Variants in C1orf185 observed in about 807,000 individuals in gnomAD.
The protein encoded by C1orf185 is uncharacterized protein C1orf185.
In C1orf185, 13 loss-of-function variants were observed where a neutral mutation model predicts 16.1. That is an observed-to-expected ratio of 0.81 (90% CI 0.53 to 1.28). The LOEUF is 1.28. Among genes scored for constraint, C1orf185 ranks in the 50% most tolerant of loss-of-function variants. The pLI is 0.00. For synonymous variants in C1orf185, 80 were observed against 76.9 expected, an observed-to-expected ratio of 1.04 and a Z score of -0.21; for missense variants, 220 against 225.2, an observed-to-expected ratio of 0.98 and a Z score of 0.15.
chr1:51,133,332 A>G (rs1646299192), intron 3 of C1orf185, among the ~76,000 whole-genome samples: 1 of 152,206 alleles, frequency 6.6e-6, no homozygotes, highest in Admixed American at 6.5e-5. Flanking sequence ...GCAACAATAC[A>G]CAGGCTCAAA....
At chr1:51,137,461 G>A (rs1455215030) in intron 3 of C1orf185, among the ~76,000 whole-genome samples, 2 of 152,162 alleles carry the variant, frequency 1.3e-5, no homozygotes, top group African/African-American at 4.8e-5. Flanking sequence ...TTGAACCCAA[G>A]AGGCAGTGGT....
At chr1:51,148,573 C>T (rs1184706132), downstream of C1orf185, among the ~76,000 whole-genome samples, 1 of 152,030 alleles carries the variant, frequency 6.6e-6, no homozygotes, top group African/African-American at 2.4e-5. Flanking sequence ...CAAATATTAC[C>T]ATGTTATGCT....
intron 3 of C1orf185, among the ~76,000 whole-genome samples, chr1:51,133,606 G>T (rs985932788): frequency 6.6e-6 from 1 of 152,188 alleles, no homozygotes; most frequent in Non-Finnish European, 1.5e-5. Context: ...CAATAGTAGT[G>T]GGAGAGTTTT....
At chr1:51,127,466 T>C (rs1204981684) in intron 3 of C1orf185, among the ~76,000 whole-genome samples, 1 of 152,066 alleles carries the variant, frequency 6.6e-6, no homozygotes, top group Non-Finnish European at 1.5e-5. Flanking sequence ...TTTGTATTTT[T>C]AGTAGGACAG....
intron 3 of C1orf185, among the ~76,000 whole-genome samples, chr1:51,133,988 A>T (rs1646304600): frequency 6.6e-6 from 1 of 152,168 alleles, no homozygotes; most frequent in Non-Finnish European, 1.5e-5. Context: ...AGGCTGAGGC[A>T]GGAGAATTAC....
Position 51,111,370 on chromosome 1 carries a change from C to CTTTTTTTTTTTTTTT in C1orf185, c.17-1091_17-1090insTTTTTTTTTTTTTTT, listed in dbSNP as rs35232347. Among the ~76,000 whole-genome samples the CTTTTTTTTTTTTTTT allele has an allele frequency of 2.2e-4, 25 of 114,418 alleles. 1 individual carries two copies. The highest frequency in any genetic ancestry group is 4.0e-4 in the African/African-American group (11 of 27,354). 75.1% of individuals were successfully genotyped at this position (114,418 alleles called of 152,430 possible). A position where few individuals can be genotyped will look rare whatever the true frequency, so the allele number is the denominator to read the frequency against. On this transcript the variant is annotated intron_variant, in intron 1 of 4. Coordinates refer to ENST00000371759, the MANE Select transcript of C1orf185 (RefSeq NM_001136508.2). ...ATATTGCTTTCATTTAGCTTTCTTT[C>CTTTTTTTTTTTTTTT]TTTCTTTTTTTTTTTTTTTGAGAGA... is the stretch of plus-strand genomic sequence containing the variant.
chr1:51,108,088 C>T (rs1646087183), intron 1 of C1orf185, among the ~76,000 whole-genome samples: 1 of 152,148 alleles, frequency 6.6e-6, no homozygotes, highest in African/African-American at 2.4e-5. Flanking sequence ...AAGTATTTTA[C>T]CAAATTACAT....
intron 1 of C1orf185, among the ~76,000 whole-genome samples, chr1:51,110,755 G>A (rs1646110536): frequency 6.6e-6 from 1 of 152,082 alleles, no homozygotes; most frequent in South Asian, 2.1e-4. Flanking sequence ...AATCACTTGA[G>A]GTCAGGAGTT....
In C1orf185 at chr1:51,106,979, G is replaced by GATCTCCT. The variant is rs545738262; in HGVS notation, c.16+4731_16+4737dup. ...TTACCGTGTTGGCCAGGATGGTTTT[G>GATCTCCT]ATCTCCTGACCTTGTGATCCGCCCA... is the stretch of plus-strand genomic sequence containing the variant. On this transcript the variant is annotated intron_variant, in intron 1 of 4. Coordinates refer to ENST00000371759, the MANE Select transcript of C1orf185 (RefSeq NM_001136508.2). Among the ~76,000 whole-genome samples, 121 of 152,238 alleles carry GATCTCCT rather than the reference G, an allele frequency of 7.9e-4. 1 individual carries two copies. In the South Asian group the frequency reaches 0.024, roughly 30 times the overall value.
At chr1:51,116,731 C>T (rs767161331) in intron 2 of C1orf185, among the ~76,000 whole-genome samples, 2 of 152,280 alleles carry the variant, frequency 1.3e-5, no homozygotes, top group East Asian at 3.9e-4. Flanking sequence ...TCCCCAATCT[C>T]ATCTCCCACT....
At chr1:51,147,446 A>G (rs1463978759) in intron 4 of C1orf185, 21 bp from the exon 5 acceptor site, 7 of 1,483,404 alleles carry the variant, frequency 4.7e-6, no homozygotes, top group Middle Eastern at 3.5e-4. Flanking sequence ...TATAATATTC[A>G]TAGTAAATCT....
intron 1 of C1orf185, among the ~76,000 whole-genome samples, chr1:51,109,239 A>G (rs1284427912): frequency 2.6e-5 from 4 of 152,098 alleles, no homozygotes; most frequent in Non-Finnish European, 5.9e-5. Context: ...GTCTATTCAG[A>G]TCATCTTCCC....
chr1:51,148,883 T>C (rs1447138405), downstream of C1orf185, among the ~76,000 whole-genome samples: 1 of 152,090 alleles, frequency 6.6e-6, no homozygotes, highest in Non-Finnish European at 1.5e-5. Flanking sequence ...GTTGAGAATA[T>C]GCCACTGCGC....
intron 3 of C1orf185, among the ~76,000 whole-genome samples, chr1:51,121,268 CCCCCAG>C (rs1264360730): frequency 6.6e-6 from 1 of 152,102 alleles, no homozygotes; most frequent in Non-Finnish European, 1.5e-5. Context: ...CACCCTGCCA[CCCCCAG>C]CCCCTGGTAT....
At chr1:51,127,374 C>T (rs904077646) in intron 3 of C1orf185, among the ~76,000 whole-genome samples, 5 of 152,018 alleles carry the variant, frequency 3.3e-5, no homozygotes, top group Admixed American at 6.6e-5. Context: ...CTGCAACCTC[C>T]GCCTCCTGGG....
intron 3 of C1orf185, among the ~76,000 whole-genome samples, chr1:51,119,757 G>A (rs973160472): frequency 2.6e-5 from 4 of 152,146 alleles, no homozygotes; most frequent in Admixed American, 2.6e-4. Flanking sequence ...CTATGACTGC[G>A]CTACTGCACT....
At chr1:51,124,167 C>T (rs1238892086) in intron 3 of C1orf185, among the ~76,000 whole-genome samples, 2 of 145,268 alleles carry the variant, frequency 1.4e-5, no homozygotes, top group East Asian at 2.1e-4. Flanking sequence ...CTGCAAGCTT[C>T]GCCTCCTGGG....
At chr1:51,112,604 T>G in intron 2 of C1orf185, 35 bp downstream of exon 2, 1 of 1,475,386 alleles carries the variant, frequency 6.8e-7, no homozygotes, top group Non-Finnish European at 9.1e-7. Context: ...TAACCTTTTT[T>G]TCTTTTAAAA....
At chr1:51,138,198 C>A (rs113058500) in intron 3 of C1orf185, among the ~76,000 whole-genome samples, 1 of 151,830 alleles carries the variant, frequency 6.6e-6, no homozygotes, top group Non-Finnish European at 1.5e-5. Flanking sequence ...TACTCCTGAA[C>A]CTACAAGTTA....
Sources: allele counts gnomAD v4.1 joint callset (sites outside exome capture counted in the v4.1 genomes callset), GRCh38; gene constraint gnomAD v4.1.1; transcripts MANE v1.5; gene names NCBI Gene and HGNC (gene_info 2026-07-23, HGNC 2026-07-21).